The following CACNA1A variants were observed in gnomAD, a reference collection of about 807,000 sequenced individuals.
CACNA1A encodes the protein calcium voltage-gated channel subunit alpha1 A, also known as voltage-dependent P/Q-type calcium channel subunit alpha-1A.
Under a neutral mutation model 262.4 loss-of-function variants are expected in CACNA1A, and 57 were observed. The ratio of observed to expected loss-of-function variants is 0.22; its 90% CI spans 0.18 to 0.27. The LOEUF (loss-of-function observed/expected upper bound fraction) is 0.27, where lower values mean the gene tolerates loss of function less well. Ranked by LOEUF, CACNA1A falls within the 10% of genes least tolerant of loss-of-function variation. The probability of loss-of-function intolerance (pLI) is 1.00; values close to 1 mark genes in which losing one functional copy is unlikely to be tolerated. For missense variants in CACNA1A, 2,526 were observed against 3,562.8 expected (o/e 0.71, Z 7.41); for synonymous variants, 1,431 against 1,419.3 (o/e 1.01, Z -0.18).
At position 13,317,089 on chromosome 19, in the gene CACNA1A, G is replaced by C. The variant is rs1399818797; in HGVS notation, c.1555+23C>G. On this transcript the variant is annotated intron_variant, in intron 11 of 46. Transcript: ENST00000360228. ...GAGGGAGGGATCAGGGAGTTGGCAG[G>C]GGTGGGGCTGGGTGATACTCACAAA... The C allele has an allele frequency of 2.6e-6, 4 of 1,531,962 alleles. No individual in the cohort carries two copies. In the East Asian group the frequency reaches 6.8e-5, roughly 26 times the overall value. 94.9% of individuals were successfully genotyped at this position (1,531,962 alleles called of 1,614,324 possible).
At chr19:13,208,547 C>G (rs1302015064) in intron 46 of CACNA1A, among the ~76,000 whole-genome samples, 1 of 136,786 alleles carries the variant, frequency 7.3e-6, no homozygotes, top group Non-Finnish European at 1.6e-5. Flanking sequence ...GGCAAGGGGG[C>G]TGGGGGGACA....
intron 10 of CACNA1A, among the ~76,000 whole-genome samples, chr19:13,326,432 C>G (rs1814002389): frequency 6.6e-6 from 1 of 152,026 alleles, no homozygotes; most frequent in South Asian, 2.1e-4. Flanking sequence ...TAGGAATGAA[C>G]CTGCTTTATA....
At chr19:13,213,444 C>T (rs921018326) in intron 40 of CACNA1A, among the ~76,000 whole-genome samples, 4 of 152,162 alleles carry the variant, frequency 2.6e-5, no homozygotes, top group Non-Finnish European at 2.9e-5. Context: ...CTTTCCCCCA[C>T]GACACTTTCT....
intron 1 of CACNA1A, among the ~76,000 whole-genome samples, chr19:13,467,612 T>C (rs2061273927): frequency 6.6e-6 from 1 of 151,494 alleles, no homozygotes; most frequent in South Asian, 2.1e-4. Context: ...CTTTTCTTTT[T>C]TTTTTTTTGT....
intron 19 of CACNA1A, among the ~76,000 whole-genome samples, chr19:13,298,116 C>A (rs2057704129): frequency 6.7e-6 from 1 of 148,606 alleles, no homozygotes; most frequent in Non-Finnish European, 1.5e-5. Flanking sequence ...AGCCACTGCT[C>A]CTGGCCAAAT....
At chr19:13,300,677 T>G (rs1210489171) in intron 17 of CACNA1A, 21 bp from the exon 18 acceptor site, 2 of 1,596,262 alleles carry the variant, frequency 1.3e-6, no homozygotes, top group Non-Finnish European at 1.7e-6. Flanking sequence ...CGTGGAATCT[T>G]TGTTCACAAA....
At chr19:13,391,894 A>T (rs2144653024) in intron 3 of CACNA1A, among the ~76,000 whole-genome samples, 1 of 151,862 alleles carries the variant, frequency 6.6e-6, no homozygotes, top group East Asian at 1.9e-4. Flanking sequence ...AAAATTAGCC[A>T]GGCATGGTGG....
At chr19:13,316,039 C>T (rs2058121362) in intron 11 of CACNA1A, 1 of 152,150 alleles carries the variant, frequency 6.6e-6, no homozygotes. Flanking sequence ...CTCACTGCAA[C>T]CTCTGCCTCC....
rs76663540 is a variant in CACNA1A, at chr19:13,316,914, C to A, written c.1555+198G>T. 2,864 of 448,014 alleles carry A rather than the reference C, an allele frequency of 6.4e-3. 114 individuals are homozygous for A. In the East Asian group the frequency reaches 0.084, roughly 13 times the overall value. The allele number at this position is 448,014 out of a possible 1,614,324, so 27.8% of individuals were successfully genotyped here. On this transcript the variant is annotated intron_variant, in intron 11 of 46. Transcript: ENST00000360228. The stretch of plus-strand genomic sequence containing the variant: ...GGTCTGAATTCCAGCTTCCAGCTCT[C>A]AGGTCTAAGGGAGATGGGTTCCATT...
At chr19:13,306,615 G>A (rs1174510445) in intron 15 of CACNA1A, 1 of 152,270 alleles carries the variant, frequency 6.6e-6, no homozygotes, top group Non-Finnish European at 1.5e-5. Context: ...GTCCCTAGAG[G>A]TAGTAAACAA....
chr19:13,294,758 G>A (rs2057627018), intron 19 of CACNA1A, among the ~76,000 whole-genome samples: 1 of 151,924 alleles, frequency 6.6e-6, no homozygotes, highest in Admixed American at 6.6e-5. Context: ...CAAAGTGCTG[G>A]GATTACAGGC....
chr19:13,404,320 TCCC>T (rs2059963679), intron 3 of CACNA1A, among the ~76,000 whole-genome samples: 1 of 152,080 alleles, frequency 6.6e-6, no homozygotes, highest in Non-Finnish European at 1.5e-5. Flanking sequence ...GCAGAGCCAA[TCCC>T]TGCACTGTAT....
intron 1 of CACNA1A, among the ~76,000 whole-genome samples, chr19:13,469,304 C>T (rs1434558984): frequency 6.6e-6 from 1 of 152,124 alleles, no homozygotes; most frequent in East Asian, 1.9e-4. Flanking sequence ...GACCATTGTC[C>T]ATGCTGGTCC....
At chr19:13,440,243 C>T (rs528573173) in intron 3 of CACNA1A, among the ~76,000 whole-genome samples, 2 of 152,314 alleles carry the variant, frequency 1.3e-5, no homozygotes, top group South Asian at 2.1e-4. Flanking sequence ...GGATTACAGG[C>T]GTGAGCCACT....
At chr19:13,340,896 C>T (rs1445152361) in intron 6 of CACNA1A, among the ~76,000 whole-genome samples, 2 of 152,062 alleles carry the variant, frequency 1.3e-5, no homozygotes, top group Admixed American at 6.6e-5. Flanking sequence ...TCCTAAATGA[C>T]GGGTTTCCTT....
chr19:13,274,640 A>G (rs749440355), intron 24 of CACNA1A: 2 of 152,286 alleles, frequency 1.3e-5, no homozygotes, highest in Non-Finnish European at 2.9e-5. Context: ...TAAGTCTGCT[A>G]TCAGGGCCCT....
intron 3 of CACNA1A, among the ~76,000 whole-genome samples, chr19:13,436,382 C>T (rs1414970550): frequency 6.6e-6 from 1 of 152,180 alleles, no homozygotes; most frequent in Non-Finnish European, 1.5e-5. Flanking sequence ...TTTTCTCCTC[C>T]TGCTACAGAA....
intron 25 of CACNA1A, 180 bp downstream of exon 25, chr19:13,262,554 C>G: frequency 1.7e-6 from 1 of 590,538 alleles, no homozygotes. Flanking sequence ...TATTTTAGGT[C>G]AGCTCACTTT....
intron 3 of CACNA1A, among the ~76,000 whole-genome samples, chr19:13,437,878 C>T (rs963463711): frequency 6.6e-6 from 1 of 151,940 alleles, no homozygotes; most frequent in African/African-American, 2.4e-5. Flanking sequence ...CAAACAAAAT[C>T]CAAAGCCCCA....
Sources: allele counts gnomAD v4.1 joint callset (sites outside exome capture counted in the v4.1 genomes callset), GRCh38; gene constraint gnomAD v4.1.1; transcripts MANE v1.5; gene names NCBI Gene and HGNC (gene_info 2026-07-23, HGNC 2026-07-21).